The following IQCB1 variants were observed in gnomAD, a reference collection of about 807,000 sequenced individuals.
IQCB1 encodes the protein IQ calmodulin-binding motif-containing protein 1.
In IQCB1, 56 loss-of-function variants were observed where a neutral mutation model predicts 84.4. The observed-to-expected ratio is 0.66, with a 90% confidence interval of 0.54 to 0.83. The LOEUF (loss-of-function observed/expected upper bound fraction) is 0.83. Ranked by LOEUF, IQCB1 falls within the 40% of genes least tolerant of loss-of-function variation. The probability of loss-of-function intolerance (pLI) is 0.00; values close to 1 mark genes in which losing one functional copy is unlikely to be tolerated. For missense variants in IQCB1, 629 were observed against 682.1 expected (o/e 0.92, Z 0.87); for synonymous variants, 210 against 234.8 (o/e 0.89, Z 0.96).
intron 2 of IQCB1, among the ~76,000 whole-genome samples, chr3:121,833,768 A>G (rs1708090054): frequency 6.6e-6 from 1 of 152,216 alleles, no homozygotes. Context: ...CTTGCTGTAA[A>G]CAAAATAGCA....
intron 13 of IQCB1, among the ~76,000 whole-genome samples, chr3:121,780,883 T>TGAGA (rs10687174): frequency 3.2e-4 from 47 of 148,898 alleles, no homozygotes; most frequent in Non-Finnish European, 4.9e-4. Context: ...TGTGTGTGTG[T>TGAGA]GAGAGAGAGA....
At chr3:121,825,195 G>C (rs964466912) in intron 5 of IQCB1, among the ~76,000 whole-genome samples, 2 of 151,812 alleles carry the variant, frequency 1.3e-5, no homozygotes, top group African/African-American at 4.8e-5. Flanking sequence ...CAAGTAGCTG[G>C]GATTATAGGC....
chr3:121,825,896 CAT>C (rs1381809229), intron 5 of IQCB1, among the ~76,000 whole-genome samples, 153 bp downstream of exon 5: 2 of 152,190 alleles, frequency 1.3e-5, no homozygotes, highest in Non-Finnish European at 2.9e-5. Context: ...ATTTTTCAAA[CAT>C]AGAGATGATT....
chr3:121,785,598 A>G (rs1023032286), intron 12 of IQCB1, among the ~76,000 whole-genome samples: 8 of 152,244 alleles, frequency 5.3e-5, no homozygotes, highest in African/African-American at 1.9e-4. Context: ...TCACATTAAG[A>G]AAATAAAAAA....
chr3:121,805,189 A>C (rs1209952346), intron 7 of IQCB1, among the ~76,000 whole-genome samples: 1 of 152,152 alleles, frequency 6.6e-6, no homozygotes, highest in Non-Finnish European at 1.5e-5. Context: ...TTGCATGCCC[A>C]GTACTTCAGT....
intron 7 of IQCB1, among the ~76,000 whole-genome samples, chr3:121,806,751 T>C (rs1164845285): frequency 1.3e-5 from 2 of 152,090 alleles, no homozygotes; most frequent in Non-Finnish European, 2.9e-5. Context: ...TTTTCCATTC[T>C]ATTGTAAGCT....
intron 5 of IQCB1, among the ~76,000 whole-genome samples, chr3:121,813,556 C>A (rs564396915): frequency 6.6e-6 from 1 of 152,002 alleles, no homozygotes; most frequent in South Asian, 2.1e-4. Context: ...CACATAGGCT[C>A]AAAATAAAGG....
chr3:121,811,870 T>C (rs1347487251), intron 5 of IQCB1, among the ~76,000 whole-genome samples: 8 of 152,222 alleles, frequency 5.3e-5, no homozygotes, highest in Non-Finnish European at 1.0e-4. Flanking sequence ...TGTTCCTGCC[T>C]GCCAGCGCTG....
At chr3:121,785,116 C>A (rs1018020375) in intron 12 of IQCB1, among the ~76,000 whole-genome samples, 1 of 152,102 alleles carries the variant, frequency 6.6e-6, no homozygotes, top group Admixed American at 6.5e-5. Context: ...AGAAACAATG[C>A]CTCTGTTTTT....
chr3:121,816,173 G>A (rs1453759725), intron 5 of IQCB1, among the ~76,000 whole-genome samples: 1 of 152,060 alleles, frequency 6.6e-6, no homozygotes, highest in Non-Finnish European at 1.5e-5. Context: ...ATAGGGAAAG[G>A]ATTCCCTATT....
chr3:121,812,948 C>A (rs1169184567), intron 5 of IQCB1, among the ~76,000 whole-genome samples: 1 of 152,026 alleles, frequency 6.6e-6, no homozygotes, highest in Non-Finnish European at 1.5e-5. Context: ...AGAATAGTAA[C>A]CCCAACACAC....
At chr3:121,800,900 G>C (rs1949384174) in intron 7 of IQCB1, among the ~76,000 whole-genome samples, 1 of 151,694 alleles carries the variant, frequency 6.6e-6, no homozygotes, top group Non-Finnish European at 1.5e-5. Flanking sequence ...TACTATCCTT[G>C]ATAAGTTCAT....
chr3:121,774,437 C>T (rs71329238), intron 13 of IQCB1, among the ~76,000 whole-genome samples: 4,073 of 152,166 alleles, frequency 0.027, 82 homozygotes, highest in Non-Finnish European at 0.042. Flanking sequence ...CGGATACTCA[C>T]CCAAAAGAAT....
At chr3:121,819,123 T>A (rs890249804) in intron 5 of IQCB1, among the ~76,000 whole-genome samples, 2 of 152,198 alleles carry the variant, frequency 1.3e-5, no homozygotes, top group Non-Finnish European at 2.9e-5. Context: ...TGTGCTTTAT[T>A]TATATTATTA....
chr3:121,801,333 A>G (rs564945463), intron 7 of IQCB1, among the ~76,000 whole-genome samples: 18 of 152,168 alleles, frequency 1.2e-4, no homozygotes, highest in Admixed American at 8.5e-4. Context: ...CTCAATGAAC[A>G]TTTGTGTATA....
chr3:121,803,996 T>C (rs1949512760), intron 7 of IQCB1, among the ~76,000 whole-genome samples: 1 of 152,126 alleles, frequency 6.6e-6, no homozygotes, highest in Non-Finnish European at 1.5e-5. Context: ...TCTTCTTTTT[T>C]TTTTACTTCC....
intron 9 of IQCB1, among the ~76,000 whole-genome samples, chr3:121,796,357 A>G (rs1228058031): frequency 6.6e-6 from 1 of 151,976 alleles, no homozygotes; most frequent in African/African-American, 2.4e-5. Context: ...TGGATATACA[A>G]TGTCCCCTTT....
chr3:121,785,255 CT>C (rs1012749746), intron 12 of IQCB1, among the ~76,000 whole-genome samples: 344 of 143,586 alleles, frequency 2.4e-3, no homozygotes, highest in Middle Eastern at 3.5e-3. Flanking sequence ...CTTTATATTA[CT>C]TTTTTTTTTT....
At chr3:121,792,293 CA>C (rs1156709118) in intron 10 of IQCB1, among the ~76,000 whole-genome samples, 2 of 152,000 alleles carry the variant, frequency 1.3e-5, no homozygotes, top group Non-Finnish European at 2.9e-5. Flanking sequence ...TGTAGGCTAT[CA>C]AATATGGCAA....
Sources: gnomAD v4.1 joint callset for allele counts (sites outside exome capture counted in the v4.1 genomes callset) on GRCh38, gnomAD v4.1.1 for gene constraint, MANE v1.5 for transcripts, NCBI Gene and HGNC (gene_info 2026-07-23, HGNC 2026-07-21) for gene names.